The following AOPEP variants were observed in gnomAD, a reference collection of about 807,000 sequenced individuals.
The protein encoded by AOPEP is aminopeptidase O (putative).
A neutral mutation model predicts 98.1 loss-of-function variants in AOPEP; 77 were observed. The ratio of observed to expected loss-of-function variants is 0.78; its 90% CI spans 0.65 to 0.95. The LOEUF (loss-of-function observed/expected upper bound fraction) is 0.95. Among genes scored for constraint, AOPEP ranks in the 40% least tolerant of loss-of-function variants. AOPEP has a pLI of 0.00. For missense variants in AOPEP, 1,024 were observed against 1,024.7 expected (o/e 1.00, Z 0.01); for synonymous variants, 346 against 365.3 (o/e 0.95, Z 0.60).
intron 13 of AOPEP, among the ~76,000 whole-genome samples, chr9:95,016,137 T>C (rs1243102260): frequency 6.6e-6 from 1 of 152,094 alleles, no homozygotes; most frequent in Non-Finnish European, 1.5e-5. Context: ...AGCTTTTTTT[T>C]TTTTTCCCCC....
intron 5 of AOPEP, among the ~76,000 whole-genome samples, chr9:94,802,811 T>C (rs1172053751): frequency 6.6e-6 from 1 of 152,236 alleles, no homozygotes; most frequent in African/African-American, 2.4e-5. Flanking sequence ...TCTGGACTTA[T>C]TACCATTCCC....
chr9:94,794,028 A>G (rs1452852310), intron 4 of AOPEP, among the ~76,000 whole-genome samples: 1 of 152,240 alleles, frequency 6.6e-6, no homozygotes, highest in East Asian at 1.9e-4. Flanking sequence ...AGCACAGGAC[A>G]CAAGGAAACT....
intron 1 of AOPEP, among the ~76,000 whole-genome samples, chr9:94,743,548 G>A (rs1588001349): frequency 6.6e-6 from 1 of 152,212 alleles, no homozygotes; most frequent in South Asian, 2.1e-4. Context: ...CAACTAGAGT[G>A]TTAGCTATTG....
chr9:94,771,555 C>T (rs1436295959), intron 2 of AOPEP, among the ~76,000 whole-genome samples: 1 of 152,196 alleles, frequency 6.6e-6, no homozygotes, highest in African/African-American at 2.4e-5. Context: ...TGACAAGGAA[C>T]TTCATTTCCT....
intron 14 of AOPEP, among the ~76,000 whole-genome samples, chr9:95,071,937 AG>A (rs1220578901): frequency 3.9e-5 from 6 of 152,226 alleles, no homozygotes; most frequent in Admixed American, 3.9e-4. Flanking sequence ...CCAGGGTGTC[AG>A]GACTAGCATT....
chr9:94,732,534 A>G (rs973637793), intron 1 of AOPEP, among the ~76,000 whole-genome samples: 3 of 152,224 alleles, frequency 2.0e-5, no homozygotes, highest in Admixed American at 1.3e-4. Flanking sequence ...GGAATTTCCT[A>G]TGATAGGCAG....
chr9:94,814,757 T>C (rs1463444473), intron 5 of AOPEP, among the ~76,000 whole-genome samples: 1 of 152,160 alleles, frequency 6.6e-6, no homozygotes, highest in East Asian at 1.9e-4. Context: ...TGTGAACCAG[T>C]TGGTCTCCCG....
intron 13 of AOPEP, among the ~76,000 whole-genome samples, chr9:95,015,402 T>TA (rs2062891728): frequency 6.6e-6 from 1 of 152,242 alleles, no homozygotes; most frequent in Admixed American, 6.5e-5. Context: ...AGAAATGTAA[T>TA]ACTGTTGATT....
Position 94,899,179 on chromosome 9 carries a change from C to CTTTTTTTTTTTTTTT in AOPEP, c.1365-24798_1365-24784dup, listed in dbSNP as rs1164742981. Reference sequence around the variant, plus strand: ...GGAAGATAATTTGCCTCTTCATTTGCTTTTTTTTTTTTTTTTTTTTTTTGA... The same window carrying CTTTTTTTTTTTTTTT: ...GGAAGATAATTTGCCTCTTCATTTGCTTTTTTTTTTTTTTTTTTTTTTTTTTTTTTTTTTTTTTGA... On this transcript the variant is annotated intron_variant, in intron 5 of 16. Transcript: ENST00000375315. Among the ~76,000 whole-genome samples the CTTTTTTTTTTTTTTT allele has an allele frequency of 1.5e-4, 9 of 59,732 alleles. 3 individuals carry two copies. The highest frequency in any genetic ancestry group is 6.7e-4 in the African/African-American group (9 of 13,400). The allele number at this position is 59,732 out of a possible 152,430, so 39.2% of individuals were successfully genotyped here.
downstream of AOPEP, among the ~76,000 whole-genome samples, chr9:95,092,064 G>T (rs529671871): frequency 6.6e-6 from 1 of 150,398 alleles, no homozygotes; most frequent in East Asian, 1.9e-4. Context: ...GGCTGTGTGT[G>T]TGTGTGTGTG....
At chr9:95,113,346 A>AAGAT in the AOPEP span, among the ~76,000 whole-genome samples, 2 of 152,348 alleles carry the variant, frequency 1.3e-5, no homozygotes, top group South Asian at 2.1e-4. Context: ...AGGAACAAAT[A>AAGAT]AGATAGTCTT....
chr9:95,003,142 A>ATGTG (rs139797365), intron 11 of AOPEP, among the ~76,000 whole-genome samples: 9,849 of 149,384 alleles, frequency 0.066, 631 homozygotes, highest in African/African-American at 0.15. Flanking sequence ...AGAATTAAGA[A>ATGTG]TGTGTGTGTG....
intron 13 of AOPEP, among the ~76,000 whole-genome samples, chr9:95,043,358 G>A (rs890773713): frequency 2.0e-5 from 3 of 151,744 alleles, no homozygotes; most frequent in Admixed American, 6.6e-5. Context: ...TCGCTTAAAT[G>A]AAGTTTCTGT....
At chr9:94,731,529 C>T (rs1830541366) in intron 1 of AOPEP, among the ~76,000 whole-genome samples, 1 of 151,292 alleles carries the variant, frequency 6.6e-6, no homozygotes, top group Non-Finnish European at 1.5e-5. Context: ...CCCGGCCCAA[C>T]TTGTTTTTTT....
At chr9:95,082,103 T>C (rs1463506825) in intron 15 of AOPEP, among the ~76,000 whole-genome samples, 1 of 152,144 alleles carries the variant, frequency 6.6e-6, no homozygotes, top group Non-Finnish European at 1.5e-5. Flanking sequence ...CTGCCGCGGC[T>C]GCTGCCTGCT....
At chr9:95,140,568 G>A in the AOPEP span, among the ~76,000 whole-genome samples, 1 of 152,212 alleles carries the variant, frequency 6.6e-6, no homozygotes, top group African/African-American at 2.4e-5. Flanking sequence ...GAGAGGTTGT[G>A]TTCTAAAGCT....
the AOPEP span, among the ~76,000 whole-genome samples, chr9:95,115,869 A>G: frequency 6.6e-6 from 1 of 152,228 alleles, no homozygotes; most frequent in Non-Finnish European, 1.5e-5. Context: ...AGGGCTCGTA[A>G]GTGATCCTCT....
intron 13 of AOPEP, among the ~76,000 whole-genome samples, chr9:95,037,303 C>T (rs940370974): frequency 1.3e-5 from 2 of 152,010 alleles, no homozygotes; most frequent in African/African-American, 4.8e-5. Context: ...TGAAGTCATT[C>T]TTTATTTCAG....
the AOPEP span, among the ~76,000 whole-genome samples, chr9:95,120,832 T>C: frequency 6.6e-6 from 1 of 152,236 alleles, no homozygotes; most frequent in East Asian, 1.9e-4. Context: ...AGTTTTGGGT[T>C]TAGGTCTATC....
Sources: gnomAD v4.1 joint callset for allele counts (sites outside exome capture counted in the v4.1 genomes callset) on GRCh38, gnomAD v4.1.1 for gene constraint, MANE v1.5 for transcripts, NCBI Gene and HGNC (gene_info 2026-07-23, HGNC 2026-07-21) for gene names.